WDR72: variants seen among roughly 807,000 people sequenced by gnomAD.
WDR72 encodes WD repeat domain 72.
WDR72 carries 120 observed loss-of-function variants against 124.2 expected under a neutral mutation model. The ratio of observed to expected loss-of-function variants is 0.97; its 90% CI spans 0.83 to 1.12. The LOEUF (loss-of-function observed/expected upper bound fraction) is 1.12, where lower values mean the gene tolerates loss of function less well. WDR72 is among the 50% of genes most tolerant of loss of function. WDR72 has a pLI of 0.00. For synonymous variants in WDR72, 452 were observed against 441.7 expected (o/e 1.02, Z -0.29); for missense variants, 1,387 against 1,278.8 (o/e 1.08, Z -1.29).
chr15:53,710,797 A>G (rs1567042225), intron 9 of WDR72, 60 bp downstream of exon 9: 2 of 1,347,552 alleles, frequency 1.5e-6, no homozygotes, highest in Non-Finnish European at 1.1e-6. Context: ...AGACAAAGCA[A>G]CACTTATCCA....
chr15:53,609,706 A>C, intron 16 of WDR72, 114 bp from the exon 17 acceptor site: 1 of 822,994 alleles, frequency 1.2e-6, no homozygotes, highest in Admixed American at 2.0e-5. Context: ...ATAAACACCA[A>C]TGCCCAGGTT....
intron 18 of WDR72, among the ~76,000 whole-genome samples, chr15:53,542,852 T>A (rs1292558031): frequency 1.9e-5 from 2 of 105,930 alleles, no homozygotes; most frequent in Non-Finnish European, 3.8e-5. Context: ...TCCTAGTCTC[T>A]GATAAAACAG....
chr15:53,668,956 G>GAGA (rs1199160206), intron 13 of WDR72, among the ~76,000 whole-genome samples: 1 of 13,450 alleles, frequency 7.4e-5, no homozygotes, highest in Non-Finnish European at 3.4e-4. Context: ...GCAGGAGGAG[G>GAGA]AGGAGAAGGA....
At chr15:53,732,936 A>G in intron 2 of WDR72, 61 bp downstream of exon 2, 2 of 1,601,144 alleles carry the variant, frequency 1.2e-6, no homozygotes, top group Non-Finnish European at 1.7e-6. Context: ...GCAGATAGAA[A>G]ATGCAAGTTG....
chr15:53,652,449 A>G lies in WDR72; in HGVS notation c.1962+13123T>C, dbSNP rs546453075. Among the ~76,000 whole-genome samples, 19 of 152,268 alleles carry G rather than the reference A, an allele frequency of 1.2e-4. No homozygotes were observed. In the South Asian group the frequency reaches 3.9e-3, roughly 32 times the overall value. ...AAATGATGTACAAAAGCAGGAAGCAATGTTTGCTACTTGGGGGATACAGAA... is the reference window on the plus strand; with the variant it reads ...AAATGATGTACAAAAGCAGGAAGCAGTGTTTGCTACTTGGGGGATACAGAA... On this transcript the variant is annotated intron_variant, in intron 14 of 19. Coordinates refer to ENST00000360509, the MANE Select transcript of WDR72 (RefSeq NM_182758.4).
intron 18 of WDR72, 64 bp downstream of exon 18, chr15:53,597,015 G>T (rs1410816203): frequency 3.0e-5 from 46 of 1,509,830 alleles, no homozygotes; most frequent in Non-Finnish European, 4.2e-5. Context: ...ACCACCATAA[G>T]TTGGAGACTA....
intron 13 of WDR72, among the ~76,000 whole-genome samples, chr15:53,696,475 G>A (rs527603076): frequency 6.6e-6 from 1 of 152,230 alleles, no homozygotes; most frequent in Admixed American, 6.5e-5. Flanking sequence ...CTGAGGTAAG[G>A]GCACTTGGAT....
At chr15:53,535,769 C>A (rs74017420) in intron 18 of WDR72, among the ~76,000 whole-genome samples, 37,239 of 151,968 alleles carry the variant, frequency 0.25, 4,733 homozygotes, top group African/African-American at 0.31. Context: ...AACAGCCCCC[C>A]AAATCATCTC....
intron 14 of WDR72, among the ~76,000 whole-genome samples, chr15:53,651,177 A>G (rs1266637900): frequency 2.0e-5 from 3 of 152,036 alleles, no homozygotes; most frequent in Non-Finnish European, 2.9e-5. Flanking sequence ...CTTCTGTTGT[A>G]GCTGTTTGCT....
intron 14 of WDR72, among the ~76,000 whole-genome samples, chr15:53,651,140 T>G (rs1490971760): frequency 6.6e-6 from 1 of 152,142 alleles, no homozygotes. Flanking sequence ...CTTCATTGTC[T>G]ACATCAACCT....
chr15:53,760,156 A>T (rs1038450345), upstream of WDR72, among the ~76,000 whole-genome samples: 2 of 151,938 alleles, frequency 1.3e-5, no homozygotes, highest in African/African-American at 4.8e-5. Context: ...CTCAGCATTT[A>T]TCCTTTGTGT....
At chr15:53,578,194 C>G (rs1203058774) in intron 18 of WDR72, among the ~76,000 whole-genome samples, 1 of 152,072 alleles carries the variant, frequency 6.6e-6, no homozygotes, top group East Asian at 1.9e-4. Context: ...TTAGACATAT[C>G]CCCCTCCCTT....
In WDR72 at chr15:53,711,424, ACTGCC is replaced by A. The variant is rs1469562355; in HGVS notation, c.764_768del (p.Gly255ValfsTer40). ...GCAATCACTTCTCCACCAGCAAAGA[ACTGCC>A]CATTTCTACTAACTTCAGTCAGCAG... On this transcript the variant is annotated frameshift_variant, in exon 8 of 20. Coordinates refer to ENST00000360509, the MANE Select transcript of WDR72 (RefSeq NM_182758.4). LOFTEE classifies it high-confidence loss of function. The A allele has an allele frequency of 1.9e-6, 3 of 1,614,176 alleles. No individual in the cohort carries two copies. The South Asian group carries it at 3.3e-5, about 18-fold the overall frequency.
At chr15:53,756,295 G>C (rs1373404893) in intron 1 of WDR72, among the ~76,000 whole-genome samples, 1 of 152,170 alleles carries the variant, frequency 6.6e-6, no homozygotes, top group African/African-American at 2.4e-5. Flanking sequence ...GCAACCCTAT[G>C]AAGAGGTGAC....
chr15:53,735,184 G>A (rs1489242163), intron 1 of WDR72, among the ~76,000 whole-genome samples: 4 of 152,030 alleles, frequency 2.6e-5, no homozygotes, highest in African/African-American at 7.2e-5. Flanking sequence ...ATCCTACCTC[G>A]GGAGGCTGAG....
chr15:53,639,760 G>A (rs894124317), intron 14 of WDR72, among the ~76,000 whole-genome samples: 1 of 151,816 alleles, frequency 6.6e-6, no homozygotes, highest in African/African-American at 2.4e-5. Context: ...CCCATCTACA[G>A]AAATTGTAGT....
At chr15:53,537,009 C>T (rs1892798538) in intron 18 of WDR72, among the ~76,000 whole-genome samples, 1 of 152,182 alleles carries the variant, frequency 6.6e-6, no homozygotes, top group South Asian at 2.1e-4. Context: ...TTGTACTGAG[C>T]ACCATCATCA....
At chr15:53,649,291 C>A (rs1343546236) in intron 14 of WDR72, among the ~76,000 whole-genome samples, 1 of 152,008 alleles carries the variant, frequency 6.6e-6, no homozygotes, top group Admixed American at 6.6e-5. Context: ...GTATGGCCCA[C>A]AAAACCAAAA....
intron 1 of WDR72, among the ~76,000 whole-genome samples, chr15:53,733,549 C>G (rs991957229): frequency 1.3e-5 from 2 of 152,106 alleles, no homozygotes; most frequent in African/African-American, 2.4e-5. Flanking sequence ...GACTCTCTCT[C>G]CCTAGAAATG....
Sources: gnomAD v4.1 joint callset for allele counts (sites outside exome capture counted in the v4.1 genomes callset) on GRCh38, gnomAD v4.1.1 for gene constraint, MANE v1.5 for transcripts, NCBI Gene and HGNC (gene_info 2026-07-23, HGNC 2026-07-21) for gene names.